CORIN: variants seen among roughly 807,000 people sequenced by gnomAD.
CORIN encodes atrial natriuretic peptide-converting enzyme.
A neutral mutation model predicts 125.3 loss-of-function variants in CORIN; 117 were observed. The observed-to-expected ratio is 0.93, with a 90% CI of 0.80 to 1.09. The LOEUF (loss-of-function observed/expected upper bound fraction) is 1.09, where lower values mean the gene tolerates loss of function less well. Ranked by LOEUF, CORIN falls within the 50% of genes least tolerant of loss-of-function variation. The pLI, the probability that CORIN is intolerant of heterozygous loss-of-function variation, is 0.00. For synonymous variants in CORIN, 450 were observed against 466.4 expected, an observed-to-expected ratio of 0.96 and a Z score of 0.45; for missense variants, 1,253 against 1,306.7, an observed-to-expected ratio of 0.96 and a Z score of 0.63.
At chr4:47,828,513 G>T (rs1008422492) in intron 1 of CORIN, among the ~76,000 whole-genome samples, 3 of 152,150 alleles carry the variant, frequency 2.0e-5, no homozygotes, top group African/African-American at 4.8e-5. Flanking sequence ...TACATTCTGG[G>T]AGCACTCCAA....
chr4:47,646,412 T>A (rs1482992934), intron 13 of CORIN, among the ~76,000 whole-genome samples: 6 of 152,238 alleles, frequency 3.9e-5, no homozygotes, highest in Non-Finnish European at 7.3e-5. Context: ...ATGAATATAA[T>A]TTGTACAACA....
chr4:47,719,423 C>A (rs559949515), intron 5 of CORIN, among the ~76,000 whole-genome samples: 1 of 152,326 alleles, frequency 6.6e-6, no homozygotes, highest in Admixed American at 6.5e-5. Context: ...CCATAACCAT[C>A]TGCTATATGA....
intron 5 of CORIN, among the ~76,000 whole-genome samples, chr4:47,724,072 C>T (rs1727477988): frequency 6.6e-6 from 1 of 151,664 alleles, no homozygotes; most frequent in African/African-American, 2.4e-5. Context: ...GGCACCACCC[C>T]TGAAGTGACC....
At chr4:47,719,810 C>A (rs1264561221) in intron 5 of CORIN, among the ~76,000 whole-genome samples, 1 of 152,146 alleles carries the variant, frequency 6.6e-6, no homozygotes, top group African/African-American at 2.4e-5. Context: ...AAAGTCAGAT[C>A]CCGTGGGGCC....
At chr4:47,718,076 A>G (rs1040472445) in intron 5 of CORIN, among the ~76,000 whole-genome samples, 2 of 152,202 alleles carry the variant, frequency 1.3e-5, no homozygotes, top group South Asian at 4.1e-4. Flanking sequence ...GCCAGGCAGA[A>G]CACAAGCCAT....
intron 3 of CORIN, among the ~76,000 whole-genome samples, chr4:47,774,381 T>C (rs1730194674): frequency 6.6e-6 from 1 of 152,232 alleles, no homozygotes; most frequent in Non-Finnish European, 1.5e-5. Flanking sequence ...TTCATATTAT[T>C]AAACATGGTT....
chr4:47,763,377 A>G lies in CORIN; in HGVS notation c.617+2T>C. 6.2e-7 allele frequency: 1 copy of G among 1,611,658 alleles called. No homozygotes were observed. The highest frequency in any genetic ancestry group is 8.5e-7 in the Non-Finnish European group (1 of 1,178,382). On this transcript the variant is annotated splice_donor_variant, in intron 4 of 21. Coordinates refer to ENST00000273857, the MANE Select transcript of CORIN (RefSeq NM_006587.4). LOFTEE classifies it high-confidence loss of function. ...CACTGAATAATCTGGGTTCCGAAAT[A>G]CCTGTCATCGCCATCAATGATGCAC... is the stretch of plus-strand genomic sequence containing the variant.
chr4:47,653,499 T>C, intron 13 of CORIN, 54 bp downstream of exon 13: 1 of 1,409,082 alleles, frequency 7.1e-7, no homozygotes, highest in Non-Finnish European at 1.0e-6. Flanking sequence ...CAGTTTCTTA[T>C]TTTATTCTAG....
At chr4:47,713,190 G>A (rs1231489062) in intron 5 of CORIN, among the ~76,000 whole-genome samples, 1 of 152,174 alleles carries the variant, frequency 6.6e-6, no homozygotes, top group East Asian at 1.9e-4. Context: ...AATCTGCCAA[G>A]AGATGAAGCC....
At chr4:47,671,361 G>A (rs1445798579) in intron 10 of CORIN, among the ~76,000 whole-genome samples, 1 of 152,148 alleles carries the variant, frequency 6.6e-6, no homozygotes, top group Admixed American at 6.5e-5. Flanking sequence ...AGAAATTACT[G>A]TTCATTTGTG....
At chr4:47,622,079 T>G (rs1722340348) in intron 19 of CORIN, among the ~76,000 whole-genome samples, 2 of 130,092 alleles carry the variant, frequency 1.5e-5, no homozygotes, top group African/African-American at 2.9e-5. Context: ...AATTCCCACC[T>G]ATGAGTGAGA....
At chr4:47,645,777 T>C (rs1723443964) in intron 13 of CORIN, among the ~76,000 whole-genome samples, 1 of 151,902 alleles carries the variant, frequency 6.6e-6, no homozygotes, top group Non-Finnish European at 1.5e-5. Context: ...TCCCAGCTAC[T>C]TGGGAGGCTA....
intron 18 of CORIN, 46 bp downstream of exon 18, chr4:47,623,853 G>T (rs2292104): frequency 6.2e-7 from 1 of 1,604,320 alleles, no homozygotes. Flanking sequence ...AGCCAATCCA[G>T]TTCAATTAAG....
chr4:47,731,267 T>C (rs1160630745), intron 5 of CORIN, among the ~76,000 whole-genome samples: 2 of 152,076 alleles, frequency 1.3e-5, no homozygotes, highest in African/African-American at 2.4e-5. Flanking sequence ...TAGAAACAAA[T>C]AGAAGGCAAA....
chr4:47,823,555 C>T (rs1040507230), intron 1 of CORIN, among the ~76,000 whole-genome samples: 4 of 152,182 alleles, frequency 2.6e-5, no homozygotes, highest in Non-Finnish European at 5.9e-5. Flanking sequence ...TGTACACATA[C>T]ACATAGGCCT....
In CORIN at chr4:47,683,789, G is replaced by A; in HGVS notation, c.963C>T (p.Tyr321=). The change falls in exon 7 of 22, where the codon TAC becomes TAT. Residue 321 remains tyrosine, a synonymous_variant. Transcript: ENST00000273857. ...FHCHTGKCLN[Y]SLVCDGYDDC... is the part of the protein sequence containing the mutation. ...CATCATATCCATCACACACAAGGCTGTAATTAAGGCACTTGCCTGTGTGAC... is the reference window on the plus strand; with the variant it reads ...CATCATATCCATCACACACAAGGCTATAATTAAGGCACTTGCCTGTGTGAC... The A allele has an allele frequency of 6.2e-7, 1 of 1,613,752 alleles. No homozygotes were observed. Among genetic ancestry groups the A allele is most frequent in the Non-Finnish European group, 8.5e-7 (1 of 1,179,820 alleles).
intron 13 of CORIN, among the ~76,000 whole-genome samples, chr4:47,652,200 A>G (rs985223106): frequency 6.6e-6 from 1 of 152,200 alleles, no homozygotes. Flanking sequence ...AACACTGTAC[A>G]TTCCTCCATA....
At chr4:47,740,079 A>G (rs1336386251) in intron 5 of CORIN, among the ~76,000 whole-genome samples, 3 of 151,992 alleles carry the variant, frequency 2.0e-5, no homozygotes, top group Admixed American at 2.0e-4. Context: ...TAATTACATT[A>G]AGTGTAAATG....
rs1553905879 is a variant in CORIN, at chr4:47,632,725, T to TGATAGATAGATAGATGATAGATA, written c.2199-6205_2199-6204insTATCTATCATCTATCTATCTATC. ...TATTGCAATCCTAACTGACAATAGA[T>TGATAGATAGATAGATGATAGATA]GATAGATAGATAGATAGATAGATAG... On this transcript the variant is annotated intron_variant, in intron 16 of 21. Coordinates refer to ENST00000273857, the MANE Select transcript of CORIN (RefSeq NM_006587.4). Among the ~76,000 whole-genome samples, 53 of 126,762 alleles carry TGATAGATAGATAGATGATAGATA rather than the reference T, an allele frequency of 4.2e-4. 1 individual carries two copies. The highest frequency in any genetic ancestry group is 1.6e-3 in the African/African-American group (49 of 31,146). The allele number at this position is 126,762 out of a possible 152,430, so 83.2% of individuals were successfully genotyped here. A position where few individuals can be genotyped will look rare whatever the true frequency, so the allele number is the denominator to read the frequency against.
Sources: gnomAD v4.1 joint callset for allele counts (sites outside exome capture counted in the v4.1 genomes callset) on GRCh38, gnomAD v4.1.1 for gene constraint, MANE v1.5 for transcripts, NCBI Gene and HGNC (gene_info 2026-07-23, HGNC 2026-07-21) for gene names.